Variants in NTRK3 observed in about 807,000 individuals in gnomAD.
The protein encoded by NTRK3 is neurotrophic receptor tyrosine kinase 3, also known as NT-3 growth factor receptor.
Under a neutral mutation model 91.7 loss-of-function variants are expected in NTRK3, and 24 were observed. The ratio of observed to expected loss-of-function variants is 0.26; its 90% CI spans 0.19 to 0.37. The LOEUF is 0.37. NTRK3 is among the 10% of genes least tolerant of loss of function. The pLI, the probability that NTRK3 is intolerant of heterozygous loss-of-function variation, is 1.00. For synonymous variants in NTRK3, 483 were observed against 404.0 expected, an observed-to-expected ratio of 1.20 and a Z score of -2.34; for missense variants, 880 against 1,068.9, an observed-to-expected ratio of 0.82 and a Z score of 2.46.
intron 14 of NTRK3, among the ~76,000 whole-genome samples, chr15:87,966,211 T>G (rs1435246375): frequency 6.6e-6 from 1 of 152,228 alleles, no homozygotes; most frequent in Non-Finnish European, 1.5e-5. Flanking sequence ...CCAGGCCTAT[T>G]CCTTACATTT....
chr15:87,908,366 GA>G, intron 17 of NTRK3: 1 of 397,462 alleles, frequency 2.5e-6, no homozygotes, highest in Non-Finnish European at 4.4e-6. Context: ...GGGAGGCAAG[GA>G]AAAAGAGGTT....
At chr15:87,969,264 G>A (rs2073058157) in intron 14 of NTRK3, among the ~76,000 whole-genome samples, 1 of 152,284 alleles carries the variant, frequency 6.6e-6, no homozygotes, top group East Asian at 1.9e-4. Context: ...GGCACAGGCT[G>A]GAAACACCCA....
At chr15:88,210,645 C>T (rs1418019088) in intron 3 of NTRK3, among the ~76,000 whole-genome samples, 1 of 152,114 alleles carries the variant, frequency 6.6e-6, no homozygotes, top group Admixed American at 6.6e-5. Flanking sequence ...AGCAACTTGC[C>T]CCTGGTTTTA....
intron 14 of NTRK3, among the ~76,000 whole-genome samples, chr15:87,991,835 A>T (rs2075310672): frequency 6.6e-6 from 1 of 152,136 alleles, no homozygotes; most frequent in Non-Finnish European, 1.5e-5. Context: ...AACTTTAAGT[A>T]AATTACTTAA....
At chr15:88,114,336 A>G (rs544947366) in intron 13 of NTRK3, among the ~76,000 whole-genome samples, 2 of 152,260 alleles carry the variant, frequency 1.3e-5, no homozygotes, top group East Asian at 3.9e-4. Context: ...AAAGATAACT[A>G]CTGTTTACAT....
intron 17 of NTRK3, chr15:87,916,269 T>G (rs1238027412): frequency 5.9e-6 from 2 of 337,142 alleles, no homozygotes; most frequent in Non-Finnish European, 1.1e-5. Context: ...GTATGGAAAT[T>G]TATGTATCTT....
chr15:87,962,198 T>C (rs2072365485), intron 14 of NTRK3, among the ~76,000 whole-genome samples: 1 of 152,214 alleles, frequency 6.6e-6, no homozygotes, highest in African/African-American at 2.4e-5. Flanking sequence ...CCTAATATCA[T>C]CACTTTATGC....
intron 10 of NTRK3, among the ~76,000 whole-genome samples, chr15:88,129,211 C>A (rs1461065220): frequency 6.6e-6 from 1 of 152,178 alleles, no homozygotes. Context: ...TCTTGAGAAT[C>A]CCTCTAGAAT....
exon 19 of NTRK3, chr15:87,873,065 G>A (rs922160095): frequency 3.0e-5 from 7 of 232,704 alleles, no homozygotes; most frequent in African/African-American, 4.4e-5. Context: ...GTTGAGTCTC[G>A]TGCAGCCCCA....
At chr15:88,203,687 A>C (rs1454969256) in intron 3 of NTRK3, among the ~76,000 whole-genome samples, 1 of 152,198 alleles carries the variant, frequency 6.6e-6, no homozygotes, top group Non-Finnish European at 1.5e-5. Context: ...AGCGAGAAGA[A>C]AGTAATTCAA....
intron 14 of NTRK3, among the ~76,000 whole-genome samples, chr15:88,020,120 C>G (rs999076472): frequency 6.6e-6 from 1 of 152,178 alleles, no homozygotes; most frequent in Non-Finnish European, 1.5e-5. Flanking sequence ...CAGCGTAAAG[C>G]ACATGGGCAG....
intron 5 of NTRK3, among the ~76,000 whole-genome samples, chr15:88,182,285 G>T (rs1305752124): frequency 6.6e-6 from 1 of 151,974 alleles, no homozygotes; most frequent in East Asian, 1.9e-4. Flanking sequence ...AGAGCCTGGG[G>T]GTAAGGTCAG....
At position 88,064,018 on chromosome 15, in the gene NTRK3, G is replaced by A. The variant is rs539521232; in HGVS notation, c.1397-30973C>T. On this transcript the variant is annotated intron_variant, in intron 13 of 18. Transcript: ENST00000394480. ...TTAAAATAAGGATTGGGATGAGATC[G>A]TACAGGGTTAGATCAGGCCCTAAAG... 4.6e-5 allele frequency among the ~76,000 whole-genome samples: 7 copies of A among 152,268 alleles called. No homozygotes were observed. The East Asian group carries it at 9.6e-4, about 21-fold the overall frequency.
intron 3 of NTRK3, among the ~76,000 whole-genome samples, chr15:88,193,343 G>A (rs1212904950): frequency 6.6e-6 from 1 of 152,124 alleles, no homozygotes; most frequent in Admixed American, 6.5e-5. Context: ...ACAGCAGCAA[G>A]GGGAAGGTGA....
In NTRK3 at chr15:87,940,901, A is replaced by T. The variant is rs1362033513; in HGVS notation, c.1586-148T>A. ...AACTCTAGCACACCAGCTTTAGCAT[A>T]AAAACTGACATCCCTCTGTGGTTTG... On this transcript the variant is annotated intron_variant, in intron 14 of 18. Coordinates refer to ENST00000394480, the Ensembl canonical transcript of NTRK3. 5.8e-6 allele frequency: 6 copies of T among 1,037,318 alleles called. No individual in the cohort carries two copies. In the Admixed American group the frequency reaches 1.0e-4, roughly 18 times the overall value. The allele number at this position is 1,037,318 out of a possible 1,614,324, so 64.3% of individuals were successfully genotyped here. A position where few individuals can be genotyped will look rare whatever the true frequency, so the allele number is the denominator to read the frequency against.
At chr15:87,958,175 G>A (rs151171539) in intron 14 of NTRK3, among the ~76,000 whole-genome samples, 11 of 152,162 alleles carry the variant, frequency 7.2e-5, no homozygotes, top group Non-Finnish European at 1.5e-4. Context: ...CATAAAAGGC[G>A]TGTTTCACAT....
chr15:88,189,103 G>C (rs1477154391), intron 3 of NTRK3, among the ~76,000 whole-genome samples: 1 of 152,162 alleles, frequency 6.6e-6, no homozygotes, highest in Non-Finnish European at 1.5e-5. Context: ...CTTAGGGCAG[G>C]AACTCAAAAA....
rs991578138 is a variant in NTRK3, at chr15:87,876,852, G to A, written c.*83C>T. 44 of 1,462,988 alleles carry A rather than the reference G, an allele frequency of 3.0e-5. No individual in the cohort carries two copies. The African/African-American group carries it at 5.9e-4, about 20-fold the overall frequency. 90.6% of individuals were successfully genotyped at this position (1,462,988 alleles called of 1,614,324 possible). On this transcript the variant is annotated 3_prime_UTR_variant, in exon 19 of 19. Transcript: ENST00000394480. ...GAAGATGTTCGCTTCAGTCAAGGAT[G>A]GAAGGAGTTGTGAGGTGGAAGGGAG...
intron 17 of NTRK3, among the ~76,000 whole-genome samples, chr15:87,892,888 C>T (rs2065920215): frequency 6.6e-6 from 1 of 152,046 alleles, no homozygotes; most frequent in African/African-American, 2.4e-5. Flanking sequence ...TGTTTAAGAA[C>T]TTGTTCATGT....
Sources: allele counts gnomAD v4.1 joint callset (sites outside exome capture counted in the v4.1 genomes callset), GRCh38; gene constraint gnomAD v4.1.1; transcripts MANE v1.5; gene names NCBI Gene and HGNC (gene_info 2026-07-23, HGNC 2026-07-21).